Variants in NFASC observed in about 807,000 individuals in gnomAD.
NFASC encodes neurofascin homolog.
Under a neutral mutation model 147.5 loss-of-function variants are expected in NFASC, and 43 were observed. The observed-to-expected ratio is 0.29, with a 90% CI of 0.23 to 0.38. NFASC has a LOEUF of 0.38. Among genes scored for constraint, NFASC ranks in the 10% least tolerant of loss-of-function variants. The pLI, the probability that NFASC is intolerant of heterozygous loss-of-function variation, is 1.00. For missense variants in NFASC, 1,320 were observed against 1,689.0 expected (o/e 0.78, Z 3.83); for synonymous variants, 622 against 665.5 (o/e 0.93, Z 1.01).
At chr1:204,855,559 A>G (rs761784570) in intron 1 of NFASC, among the ~76,000 whole-genome samples, 4 of 152,202 alleles carry the variant, frequency 2.6e-5, no homozygotes, top group Non-Finnish European at 4.4e-5. Flanking sequence ...GGCAAGGTGT[A>G]TTATTGAACA....
At chr1:205,014,434 G>T (rs1363916346) in intron 29 of NFASC, among the ~76,000 whole-genome samples, 4 of 152,216 alleles carry the variant, frequency 2.6e-5, no homozygotes, top group African/African-American at 4.8e-5. Flanking sequence ...GAGAGGATAG[G>T]CCTAGGGGCG....
chr1:204,867,332 C>T (rs1387970053), intron 1 of NFASC, among the ~76,000 whole-genome samples: 1 of 151,954 alleles, frequency 6.6e-6, no homozygotes, highest in African/African-American at 2.4e-5. Context: ...AACACACATA[C>T]AGGAACTAGG....
chr1:204,885,834 G>A (rs931749797), intron 1 of NFASC, among the ~76,000 whole-genome samples: 2 of 152,178 alleles, frequency 1.3e-5, no homozygotes, highest in African/African-American at 2.4e-5. Context: ...CACTCCTGTC[G>A]AAGGGTGAGT....
At chr1:204,847,869 G>A (rs111569302) in intron 1 of NFASC, among the ~76,000 whole-genome samples, 62 of 152,274 alleles carry the variant, frequency 4.1e-4, no homozygotes, top group African/African-American at 1.4e-3. Flanking sequence ...GTCCCATTCT[G>A]AAGTGAAAGC....
intron 1 of NFASC, among the ~76,000 whole-genome samples, chr1:204,855,723 C>A (rs536874169): frequency 1.3e-5 from 2 of 152,144 alleles, no homozygotes; most frequent in African/African-American, 4.8e-5. Context: ...CCCTCCAACC[C>A]TTGCTGCTAT....
chr1:204,977,323 G>A (rs1211335935), intron 16 of NFASC, among the ~76,000 whole-genome samples: 1 of 152,174 alleles, frequency 6.6e-6, no homozygotes, highest in East Asian at 1.9e-4. Flanking sequence ...AAACCAAGAG[G>A]AAGGAGGCCT....
chr1:204,982,593 GAGA>G (rs1240140917), intron 21 of NFASC, among the ~76,000 whole-genome samples: 1 of 152,236 alleles, frequency 6.6e-6, no homozygotes, highest in Non-Finnish European at 1.5e-5. Flanking sequence ...AGCACAGAAA[GAGA>G]AGGTCTTTGG....
chr1:204,927,787 G>A (rs1448855913), intron 2 of NFASC, among the ~76,000 whole-genome samples: 6 of 152,046 alleles, frequency 3.9e-5, no homozygotes, highest in Admixed American at 6.5e-5. Flanking sequence ...GATACCCCAC[G>A]CCTTCTCCAC....
chr1:204,986,605 G>T lies in NFASC; in HGVS notation c.2471-813G>T. ...ATAGCCCCGCCTTCTGCAGGCCTAT[G>T]GTTTCACATGGCCCTGGGGTCAAAA... is the stretch of plus-strand genomic sequence containing the variant. On this transcript the variant is annotated intron_variant, in intron 21 of 29. Coordinates refer to ENST00000339876, the MANE Select transcript of NFASC (RefSeq NM_001005388.3). The surrounding 1 kb of genome is among the most constrained non-coding windows in gnomAD (Gnocchi z 4.2). 1 of 172,202 alleles carries T rather than the reference G, an allele frequency of 5.8e-6. No individual in the cohort carries two copies. The highest frequency in any genetic ancestry group is 1.5e-4 in the East Asian group (1 of 6,590). 10.7% of individuals were successfully genotyped at this position (172,202 alleles called of 1,614,324 possible). A position where few individuals can be genotyped will look rare whatever the true frequency, so the allele number is the denominator to read the frequency against.
At chr1:204,942,672 T>C (rs1286388754) in intron 2 of NFASC, among the ~76,000 whole-genome samples, 1 of 152,010 alleles carries the variant, frequency 6.6e-6, no homozygotes, top group African/African-American at 2.4e-5. Flanking sequence ...AAAGTGGACC[T>C]GGAGAGACCA....
At chr1:204,884,814 CA>C (rs2080984855) in intron 1 of NFASC, among the ~76,000 whole-genome samples, 1 of 152,142 alleles carries the variant, frequency 6.6e-6, no homozygotes, top group African/African-American at 2.4e-5. Flanking sequence ...GCCTGCACTG[CA>C]CCCACCAGCA....
intron 21 of NFASC, among the ~76,000 whole-genome samples, chr1:204,983,041 G>C (rs751999782): frequency 2.6e-5 from 4 of 152,216 alleles, no homozygotes; most frequent in Admixed American, 6.5e-5. Flanking sequence ...CTCCATGGTG[G>C]TGGGCACTTC....
At chr1:205,001,122 G>A (rs1218438009) in intron 25 of NFASC, 48 bp from the exon 26 acceptor site, 5 of 1,108,530 alleles carry the variant, frequency 4.5e-6, no homozygotes, top group Non-Finnish European at 6.8e-6. Flanking sequence ...CATATCTCTG[G>A]TGCCACTCCC....
At chr1:204,860,087 G>A (rs1316886227) in intron 1 of NFASC, among the ~76,000 whole-genome samples, 2 of 152,178 alleles carry the variant, frequency 1.3e-5, no homozygotes, top group Non-Finnish European at 1.5e-5. Flanking sequence ...GGAGAAAAGA[G>A]CCTTATCTTC....
chr1:204,864,265 G>A (rs934841159), intron 1 of NFASC, among the ~76,000 whole-genome samples: 1 of 152,168 alleles, frequency 6.6e-6, no homozygotes, highest in Non-Finnish European at 1.5e-5. Context: ...CCACTCATCT[G>A]TTGAGGACAC....
intron 2 of NFASC, among the ~76,000 whole-genome samples, chr1:204,923,995 G>A (rs533717017): frequency 3.0e-4 from 45 of 152,360 alleles, no homozygotes; most frequent in Non-Finnish European, 5.9e-4. Context: ...ATATGCTCTA[G>A]CAAAGGGAGG....
At chr1:204,885,347 C>G (rs758528251) in intron 1 of NFASC, among the ~76,000 whole-genome samples, 2 of 151,870 alleles carry the variant, frequency 1.3e-5, no homozygotes, top group East Asian at 3.9e-4. Context: ...GCCAGGAGCC[C>G]GGGGAATAGA....
At chr1:204,839,473 A>T (rs1463558315) in intron 1 of NFASC, among the ~76,000 whole-genome samples, 1 of 151,918 alleles carries the variant, frequency 6.6e-6, no homozygotes, top group African/African-American at 2.4e-5. Flanking sequence ...TGCGGGTGGG[A>T]TGCAGGGTGC....
chr1:204,920,128 G>A (rs558277476), intron 1 of NFASC, among the ~76,000 whole-genome samples: 148 of 152,274 alleles, frequency 9.7e-4, no homozygotes, highest in Non-Finnish European at 1.8e-3. Flanking sequence ...AACAAGCTAG[G>A]ATTTAAAATT....
Sources: gnomAD v4.1 joint callset for allele counts (sites outside exome capture counted in the v4.1 genomes callset) on GRCh38, gnomAD v4.1.1 for gene constraint, Gnocchi (gnomAD v3.1) non-coding constraint, MANE v1.5 for transcripts, NCBI Gene and HGNC (gene_info 2026-07-23, HGNC 2026-07-21) for gene names.